Variants in IQCK observed in about 807,000 individuals in gnomAD.
IQCK encodes the protein IQ domain-containing protein K.
In IQCK, 29 loss-of-function variants were observed where a neutral mutation model predicts 28.1. The observed-to-expected ratio is 1.03, with a 90% confidence interval of 0.77 to 1.41. The LOEUF (loss-of-function observed/expected upper bound fraction) is 1.41. Among genes scored for constraint, IQCK ranks in the 40% most tolerant of loss-of-function variants. The pLI, the probability that IQCK is intolerant of heterozygous loss-of-function variation, is 0.00. For missense variants in IQCK, 359 were observed against 314.7 expected, an observed-to-expected ratio of 1.14 and a Z score of -1.07; for synonymous variants, 113 against 115.1, an observed-to-expected ratio of 0.98 and a Z score of 0.12.
chr16:19,721,621 T>C (rs538056417), intron 1 of IQCK, among the ~76,000 whole-genome samples: 1 of 151,416 alleles, frequency 6.6e-6, no homozygotes, highest in African/African-American at 2.4e-5. Flanking sequence ...AGTCTGGCTC[T>C]GTCACCCAGG....
intron 9 of IQCK, among the ~76,000 whole-genome samples, chr16:19,853,980 A>G (rs985900902): frequency 1.3e-5 from 2 of 152,268 alleles, no homozygotes; most frequent in South Asian, 4.1e-4. Flanking sequence ...ACAGGCAGCC[A>G]GCATGATGTT....
At chr16:19,856,706 C>G (rs2056567344) in exon 10 of IQCK, 1 of 605,334 alleles carries the variant, frequency 1.7e-6, no homozygotes, top group Non-Finnish European at 2.9e-6. Flanking sequence ...TGCAAACAAG[C>G]TTTAATGCAA....
intron 4 of IQCK, among the ~76,000 whole-genome samples, chr16:19,751,716 G>T (rs1390011426): frequency 1.3e-5 from 2 of 151,866 alleles, no homozygotes; most frequent in South Asian, 4.2e-4. Flanking sequence ...CAGAGAGCAG[G>T]CCTTGAAGGG....
intron 6 of IQCK, among the ~76,000 whole-genome samples, chr16:19,768,224 A>T (rs2055270094): frequency 6.6e-6 from 1 of 152,188 alleles, no homozygotes. Context: ...GGGAGCCCAC[A>T]GCTGGGAAGT....
chr16:19,763,973 C>A, intron 5 of IQCK, 62 bp from the exon 6 acceptor site: 1 of 1,592,876 alleles, frequency 6.3e-7, no homozygotes, highest in East Asian at 2.2e-5. Flanking sequence ...AGAATAGCAA[C>A]AACTGACTTG....
chr16:19,846,998 A>T (rs1189460205), intron 9 of IQCK, among the ~76,000 whole-genome samples: 1 of 152,174 alleles, frequency 6.6e-6, no homozygotes, highest in East Asian at 1.9e-4. Flanking sequence ...GAGTCAAAAG[A>T]TACCAAGATC....
At chr16:19,820,802 TAATA>T (rs2056062210) in intron 7 of IQCK, among the ~76,000 whole-genome samples, 1 of 151,920 alleles carries the variant, frequency 6.6e-6, no homozygotes, top group Non-Finnish European at 1.5e-5. Flanking sequence ...CCAAAACATA[TAATA>T]AACTCTTACA....
intron 6 of IQCK, among the ~76,000 whole-genome samples, chr16:19,768,599 A>G (rs2055275244): frequency 6.6e-6 from 1 of 152,220 alleles, no homozygotes; most frequent in East Asian, 1.9e-4. Flanking sequence ...TACAAAAATT[A>G]GCTGGGCATG....
chr16:19,721,655 G>A (rs1977499598), intron 1 of IQCK, among the ~76,000 whole-genome samples: 2 of 150,666 alleles, frequency 1.3e-5, no homozygotes, highest in South Asian at 2.1e-4. Context: ...GCGCAATCTC[G>A]GCTCACTGCA....
At chr16:19,718,361 T>C (rs1977322360) in exon 1 of IQCK, 1 of 1,610,038 alleles carries the variant, frequency 6.2e-7, no homozygotes, top group Admixed American at 1.7e-5. Context: ...GCCCAGCTGC[T>C]CTACAGACTC....
chr16:19,856,860 G>T, exon 10 of IQCK: 1 of 289,572 alleles, frequency 3.5e-6, no homozygotes, highest in Non-Finnish European at 6.4e-6. Context: ...CTAGTCCCAA[G>T]GAATACAGAA....
chr16:19,757,794 G>T (rs1307900602), intron 4 of IQCK, among the ~76,000 whole-genome samples: 3 of 152,144 alleles, frequency 2.0e-5, no homozygotes, highest in Non-Finnish European at 2.9e-5. Context: ...TGAACTGAGA[G>T]AATTTTGGAA....
At position 19,799,605 on chromosome 16, in the gene IQCK, C is replaced by T. The variant is rs1380117740; in HGVS notation, c.690+10683C>T. ...TTTTATATATATATATATACACACA[C>T]ACACACACACACACACACACACACA... On this transcript the variant is annotated intron_variant, in intron 7 of 7. Transcript: ENST00000564186. 5.8e-4 allele frequency among the ~76,000 whole-genome samples: 81 copies of T among 138,600 alleles called. 3 individuals carry two copies. The Middle Eastern group carries it at 0.018, about 31-fold the overall frequency. The allele number at this position is 138,600 out of a possible 152,430, so 90.9% of individuals were successfully genotyped here. A position where few individuals can be genotyped will look rare whatever the true frequency, so the allele number is the denominator to read the frequency against.
intron 7 of IQCK, among the ~76,000 whole-genome samples, chr16:19,812,515 G>A (rs1338143977): frequency 6.6e-6 from 1 of 152,112 alleles, no homozygotes; most frequent in Non-Finnish European, 1.5e-5. Flanking sequence ...TATAATGTCA[G>A]AGTTGGCATT....
At position 19,799,636 on chromosome 16, in the gene IQCK, A is replaced by ACC. The variant is rs1374450660; in HGVS notation, c.690+10715_690+10716insCC. 3.7e-5 allele frequency among the ~76,000 whole-genome samples: 5 copies of ACC among 136,976 alleles called. 1 individual carries two copies. Among genetic ancestry groups the ACC allele is most frequent in the African/African-American group, 1.7e-4 (5 of 29,578 alleles). 89.9% of individuals were successfully genotyped at this position (136,976 alleles called of 152,430 possible). ...CACACACACACACACACACACACAC[A>ACC]CACACCCAGTGAATACATTGAGTCA... On this transcript the variant is annotated intron_variant, in intron 7 of 7. Transcript: ENST00000564186.
At chr16:19,772,030 G>GAAAGGGGGTGGAGAACAGA (rs1365464499) in intron 6 of IQCK, among the ~76,000 whole-genome samples, 1 of 152,168 alleles carries the variant, frequency 6.6e-6, no homozygotes, top group African/African-American at 2.4e-5. Flanking sequence ...CACAGCTCTG[G>GAAAGGGGGTGGAGAACAGA]AAAGGGGGTG....
chr16:19,773,563 A>C (rs2055345861), intron 6 of IQCK, among the ~76,000 whole-genome samples: 1 of 152,224 alleles, frequency 6.6e-6, no homozygotes. Context: ...TAAGTCTTTT[A>C]GGCTTTGCAA....
intron 1 of IQCK, 31 bp downstream of exon 1, chr16:19,718,518 G>T (rs1977336812): frequency 1.3e-6 from 2 of 1,530,476 alleles, no homozygotes; most frequent in South Asian, 1.2e-5. Flanking sequence ...GAGAGGGGCG[G>T]GACCCGGGCG....
At chr16:19,835,005 C>T (rs931562140) in intron 9 of IQCK, among the ~76,000 whole-genome samples, 5 of 152,208 alleles carry the variant, frequency 3.3e-5, no homozygotes, top group African/African-American at 1.2e-4. Context: ...TGGCTCATGC[C>T]TATAGCTCCA....
Sources: allele counts gnomAD v4.1 joint callset (sites outside exome capture counted in the v4.1 genomes callset), GRCh38; gene constraint gnomAD v4.1.1; transcripts MANE v1.5; gene names NCBI Gene and HGNC (gene_info 2026-07-23, HGNC 2026-07-21).